The following PLPP4 variants were observed in gnomAD, a reference collection of about 807,000 sequenced individuals.
The protein encoded by PLPP4 is diacylglycerol pyrophosphate like 2.
PLPP4 carries 20 observed loss-of-function variants against 32.2 expected under a neutral mutation model. The ratio of observed to expected loss-of-function variants is 0.62; its 90% CI spans 0.44 to 0.90. PLPP4 has a LOEUF of 0.90. PLPP4 is among the 40% of genes least tolerant of loss of function. PLPP4 has a pLI of 0.00. For missense variants in PLPP4, 257 were observed against 353.1 expected (o/e 0.73, Z 2.18); for synonymous variants, 127 against 133.0 (o/e 0.95, Z 0.31).
Position 120,579,221 on chromosome 10 carries a change from A to T in PLPP4, c.616+3920A>T, listed in dbSNP as rs934235617. On this transcript the variant is annotated intron_variant, in intron 6 of 6. Transcript: ENST00000398250. ...TAACATTTTAAACACTTGTTCCTCT[A>T]ATCATAGGTCATTTTAAGCAGCCCT... Among the ~76,000 whole-genome samples, 5 of 152,240 alleles carry T rather than the reference A, an allele frequency of 3.3e-5. No homozygotes were observed. The East Asian group carries it at 9.6e-4, about 29-fold the overall frequency.
At position 120,580,818 on chromosome 10, in the gene PLPP4, G is replaced by A. The variant is rs2134071311; in HGVS notation, c.616+5517G>A. The A allele has an allele frequency of 2.5e-6, 3 of 1,196,190 alleles. No homozygotes were observed. In the South Asian group the frequency reaches 3.9e-5, roughly 15 times the overall value. The allele number at this position is 1,196,190 out of a possible 1,614,324, so 74.1% of individuals were successfully genotyped here. ...TTCTGCCAAAAACCTGCCAGCCCTG[G>A]GTAGAACAAAAACACTGAAATTCTC... is the stretch of plus-strand genomic sequence containing the variant. On this transcript the variant is annotated intron_variant, in intron 6 of 6. Transcript: ENST00000398250.
chr10:120,573,976 G>A (rs758963294), intron 5 of PLPP4, among the ~76,000 whole-genome samples: 1 of 152,058 alleles, frequency 6.6e-6, no homozygotes, highest in Admixed American at 6.5e-5. Context: ...GTGTGGGCTG[G>A]TTACCTAGGA....
At position 120,538,623 on chromosome 10, in the gene PLPP4, G is replaced by A. The variant is rs144373297; in HGVS notation, c.445+17528G>A. On this transcript the variant is annotated intron_variant, in intron 5 of 6. Coordinates refer to ENST00000398250, the MANE Select transcript of PLPP4 (RefSeq NM_001030059.3). ...CCCAGGCCCTTTCACATGGTCTTCA[G>A]GCCCTTCCAGGATCTGGCTCCTGCT... Among the ~76,000 whole-genome samples the A allele has an allele frequency of 5.6e-4, 85 of 152,212 alleles. 1 individual carries two copies. In the East Asian group the frequency reaches 0.015, roughly 26 times the overall value.
intron 1 of PLPP4, among the ~76,000 whole-genome samples, chr10:120,494,197 CA>C (rs1210445635): frequency 6.6e-6 from 1 of 152,178 alleles, no homozygotes; most frequent in Non-Finnish European, 1.5e-5. Context: ...TTAGACTTTA[CA>C]CTGCTCAAAT....
At chr10:120,582,495 A>G (rs974772575) in intron 6 of PLPP4, among the ~76,000 whole-genome samples, 1 of 151,888 alleles carries the variant, frequency 6.6e-6, no homozygotes, top group African/African-American at 2.4e-5. Context: ...TAACTTGATT[A>G]CTCCTGTAAA....
chr10:120,589,251 A>T, intron 6 of PLPP4, 52 bp from the exon 7 acceptor site: 10 of 1,551,146 alleles, frequency 6.4e-6, no homozygotes, highest in Non-Finnish European at 8.9e-6. Flanking sequence ...ATAATTGGCC[A>T]CATTTGAACA....
chr10:120,526,347 G>A (rs2420722), intron 5 of PLPP4, among the ~76,000 whole-genome samples: 143,811 of 152,114 alleles, frequency 0.95, 68,367 homozygotes, highest in Non-Finnish European at 1. Flanking sequence ...CCTTTGCTGT[G>A]TGTTGTGATT....
intron 5 of PLPP4, among the ~76,000 whole-genome samples, chr10:120,534,907 G>A (rs529538157): frequency 7.2e-5 from 11 of 152,164 alleles, no homozygotes; most frequent in South Asian, 2.1e-4. Flanking sequence ...GAATTATAAT[G>A]GCTACTTTGA....
rs1234281695 is a variant in PLPP4, at chr10:120,503,803, CTTTTTA to C, written c.57-13_57-8del. ...GAACGCTCAACCTTCATGTACTTTT[CTTTTTA>C]TGTTTCAGTTTTACAGAGTTTTTGG... On this transcript the variant is annotated splice_polypyrimidine_tract_variant and intron_variant, in intron 1 of 6. Coordinates refer to ENST00000398250, the MANE Select transcript of PLPP4 (RefSeq NM_001030059.3). 2.5e-6 allele frequency: 4 copies of C among 1,607,980 alleles called. No homozygotes were observed. Among genetic ancestry groups the C allele is most frequent in the Non-Finnish European group, 3.4e-6 (4 of 1,175,036 alleles).
intron 1 of PLPP4, among the ~76,000 whole-genome samples, chr10:120,498,415 T>A (rs2133854446): frequency 6.6e-6 from 1 of 152,316 alleles, no homozygotes; most frequent in East Asian, 1.9e-4. Flanking sequence ...TTAAATAGCA[T>A]TTTTTCCTTT....
At chr10:120,519,952 G>GCTGGTGTT (rs1435164094) in intron 4 of PLPP4, among the ~76,000 whole-genome samples, 1 of 152,204 alleles carries the variant, frequency 6.6e-6, no homozygotes, top group Non-Finnish European at 1.5e-5. Context: ...AGATCCAGGC[G>GCTGGTGTT]CTGGTGTTCA....
chr10:120,533,725 T>G (rs1334428826), intron 5 of PLPP4, among the ~76,000 whole-genome samples: 1 of 152,144 alleles, frequency 6.6e-6, no homozygotes, highest in Non-Finnish European at 1.5e-5. Context: ...TTTAACTTTA[T>G]GTCTTTTAAA....
chr10:120,465,945 C>T (rs1238090248), intron 1 of PLPP4, among the ~76,000 whole-genome samples: 5 of 152,050 alleles, frequency 3.3e-5, no homozygotes, highest in South Asian at 4.2e-4. Flanking sequence ...ATTTTACCCA[C>T]GGATATATGG....
At chr10:120,585,947 G>A (rs10444120) in intron 6 of PLPP4, among the ~76,000 whole-genome samples, 49,411 of 151,980 alleles carry the variant, frequency 0.33, 8,335 homozygotes, top group Middle Eastern at 0.38. Flanking sequence ...CTTTCTCCCA[G>A]ACAGCTACTG....
At chr10:120,538,052 C>CTGTGTGTGTG (rs972974599) in intron 5 of PLPP4, among the ~76,000 whole-genome samples, 2,619 of 18,944 alleles carry the variant, frequency 0.14, 551 homozygotes, top group Non-Finnish European at 0.15. Flanking sequence ...CTCTCTCTCT[C>CTGTGTGTGTG]TGTGTGTGTG....
At chr10:120,494,503 T>G (rs1844872922) in intron 1 of PLPP4, among the ~76,000 whole-genome samples, 1 of 152,200 alleles carries the variant, frequency 6.6e-6, no homozygotes, top group Non-Finnish European at 1.5e-5. Context: ...CGGCTCTGCC[T>G]TGGTTGGGCA....
Position 120,556,726 on chromosome 10 carries a change from A to C in PLPP4, c.446-18405A>C, listed in dbSNP as rs541190541. Among the ~76,000 whole-genome samples, 7 of 152,296 alleles carry C rather than the reference A, an allele frequency of 4.6e-5. No homozygotes were observed. In the South Asian group the frequency reaches 1.4e-3, roughly 32 times the overall value. On this transcript the variant is annotated intron_variant, in intron 5 of 6. Transcript: ENST00000398250. ...TAAGATGGATATTCGTATTGATCCC[A>C]TTTGCAGGTGAGAAGCAGAGAGTTA...
Position 120,580,953 on chromosome 10 carries a change from C to T in PLPP4, c.616+5652C>T, listed in dbSNP as rs1013824962. The stretch of plus-strand genomic sequence containing the variant: ...CACATTTACCATCGGCTGCCAACCC[C>T]CGCCTCTGTCTGGGAACCTCTGAAC... On this transcript the variant is annotated intron_variant, in intron 6 of 6. Transcript: ENST00000398250. The T allele has an allele frequency of 1.9e-5, 24 of 1,289,220 alleles. No individual in the cohort carries two copies. In the African/African-American group the frequency reaches 3.5e-4, roughly 19 times the overall value. 79.9% of individuals were successfully genotyped at this position (1,289,220 alleles called of 1,614,324 possible).
At chr10:120,486,859 T>C (rs989743453) in intron 1 of PLPP4, among the ~76,000 whole-genome samples, 1 of 152,158 alleles carries the variant, frequency 6.6e-6, no homozygotes, top group African/African-American at 2.4e-5. Context: ...TTACCTCTTA[T>C]CTACTTTGCC....
Sources: allele counts gnomAD v4.1 joint callset (sites outside exome capture counted in the v4.1 genomes callset), GRCh38; gene constraint gnomAD v4.1.1; transcripts MANE v1.5; gene names NCBI Gene and HGNC (gene_info 2026-07-23, HGNC 2026-07-21).